CCDC73: variants seen among roughly 807,000 people sequenced by gnomAD.
CCDC73 encodes the protein coiled-coil domain-containing protein 73.
CCDC73 carries 95 observed loss-of-function variants against 116.5 expected under a neutral mutation model. The ratio of observed to expected loss-of-function variants is 0.82; its 90% CI spans 0.69 to 0.97. CCDC73 has a LOEUF of 0.97. Among genes scored for constraint, CCDC73 ranks in the 50% least tolerant of loss-of-function variants. CCDC73 has a pLI of 0.00. For missense variants in CCDC73, 1,066 were observed against 1,206.8 expected (o/e 0.88, Z 1.73); for synonymous variants, 398 against 401.3 (o/e 0.99, Z 0.10).
chr11:32,688,725 A>G (rs915918348), intron 6 of CCDC73, among the ~76,000 whole-genome samples: 1 of 152,222 alleles, frequency 6.6e-6, no homozygotes, highest in African/African-American at 2.4e-5. Context: ...ATATCTCTAA[A>G]AGTTTATGAT....
At position 32,787,438 on chromosome 11, in the gene CCDC73, T is replaced by C. The variant is rs111647355; in HGVS notation, c.-16+7175A>G. On this transcript the variant is annotated intron_variant, in intron 1 of 17. Coordinates refer to ENST00000335185, the MANE Select transcript of CCDC73 (RefSeq NM_001008391.4). The stretch of plus-strand genomic sequence containing the variant: ...AAACATTCAAAGAATATAAACACAA[T>C]TGTCTTTTTTATATTTACAACTATA... 2.0e-5 allele frequency among the ~76,000 whole-genome samples: 3 copies of C among 152,198 alleles called. No individual in the cohort carries two copies. The East Asian group carries it at 5.8e-4, about 29-fold the overall frequency.
chr11:32,714,021 T>C (rs1849923173), intron 3 of CCDC73, among the ~76,000 whole-genome samples: 1 of 152,090 alleles, frequency 6.6e-6, no homozygotes, highest in Non-Finnish European at 1.5e-5. Flanking sequence ...GTTCTGTGAG[T>C]AGAAAAACAA....
At chr11:32,796,614 G>A (rs1331123017), upstream of CCDC73, among the ~76,000 whole-genome samples, 1 of 152,130 alleles carries the variant, frequency 6.6e-6, no homozygotes, top group Non-Finnish European at 1.5e-5. Context: ...TCCTGTCCAC[G>A]ATTCATGTTG....
intron 2 of CCDC73, among the ~76,000 whole-genome samples, chr11:32,731,414 T>C (rs1449330173): frequency 6.6e-6 from 1 of 152,174 alleles, no homozygotes; most frequent in African/African-American, 2.4e-5. Flanking sequence ...CCGACAGCTT[T>C]GAAGAGAGTA....
At chr11:32,781,332 A>G (rs973948282) in intron 1 of CCDC73, among the ~76,000 whole-genome samples, 1 of 152,242 alleles carries the variant, frequency 6.6e-6, no homozygotes, top group Non-Finnish European at 1.5e-5. Flanking sequence ...AATGGTATCT[A>G]AGACAAAAAC....
At chr11:32,761,368 A>G (rs1850390520) in intron 1 of CCDC73, among the ~76,000 whole-genome samples, 2 of 152,132 alleles carry the variant, frequency 1.3e-5, no homozygotes, top group South Asian at 4.1e-4. Context: ...CCAGTTTGTG[A>G]CTATTATGAA....
the CCDC73 span, among the ~76,000 whole-genome samples, chr11:32,821,448 A>G: frequency 6.6e-6 from 1 of 152,250 alleles, no homozygotes; most frequent in Admixed American, 6.5e-5. Flanking sequence ...ACAGTTTAAA[A>G]AAGTCCTTTT....
At chr11:32,800,588 T>G in the CCDC73 span, among the ~76,000 whole-genome samples, 1 of 152,206 alleles carries the variant, frequency 6.6e-6, no homozygotes, top group African/African-American at 2.4e-5. Context: ...TTATCTTTTT[T>G]GGCCCCCTCA....
chr11:32,701,534 A>G (rs2133315403), intron 4 of CCDC73, among the ~76,000 whole-genome samples: 1 of 152,194 alleles, frequency 6.6e-6, no homozygotes. Flanking sequence ...GACTTCCTTG[A>G]CAAAAAACTT....
At chr11:32,620,069 CCA>C (rs1346111792) in intron 14 of CCDC73, among the ~76,000 whole-genome samples, 2 of 152,088 alleles carry the variant, frequency 1.3e-5, no homozygotes, top group South Asian at 2.1e-4. Flanking sequence ...AGCAAACATC[CCA>C]CAGTTTCAAT....
chr11:32,631,890 A>G (rs750156079), intron 14 of CCDC73, among the ~76,000 whole-genome samples: 5 of 152,060 alleles, frequency 3.3e-5, no homozygotes, highest in Non-Finnish European at 7.4e-5. Flanking sequence ...ACAGACAGAC[A>G]CAGAGATATA....
At chr11:32,749,118 T>C (rs547687402) in intron 2 of CCDC73, among the ~76,000 whole-genome samples, 73 of 152,304 alleles carry the variant, frequency 4.8e-4, no homozygotes, top group Non-Finnish European at 7.8e-4. Flanking sequence ...TATTATCCCA[T>C]TGAATAAACT....
chr11:32,614,166 TA>T lies in CCDC73; in HGVS notation c.2151del (p.Asn718IlefsTer6), dbSNP rs749588295. 1 of 1,613,870 alleles carries T rather than the reference TA, an allele frequency of 6.2e-7. No homozygotes were observed. Among genetic ancestry groups the T allele is most frequent in the South Asian group, 1.1e-5 (1 of 91,074 alleles). ...GAGTTCTTCAGAAGTAGTTTTGAAT[TA>T]GCACTAAAAGCAGCATATGAAACAT... Reference protein sequence around the residue: ...DHHVSYAAFSANSKLLLKNSD... With the variant: ...DHHVSYAAFSXNSKLLLKNSD... On this transcript the variant is annotated frameshift_variant, in exon 16 of 18. Coordinates refer to ENST00000335185, the MANE Select transcript of CCDC73 (RefSeq NM_001008391.4). LOFTEE classifies it high-confidence loss of function.
chr11:32,656,736 C>T (rs1363823651), intron 9 of CCDC73, among the ~76,000 whole-genome samples: 1 of 152,078 alleles, frequency 6.6e-6, no homozygotes, highest in Non-Finnish European at 1.5e-5. Flanking sequence ...TTTTTCAAGT[C>T]CGAGATAACC....
At chr11:32,603,449 A>G (rs945008151) in intron 17 of CCDC73, 3 of 153,614 alleles carry the variant, frequency 2.0e-5, no homozygotes, top group African/African-American at 4.8e-5. Context: ...AAAATAGAGT[A>G]AAGTAGAAAG....
At chr11:32,703,315 T>C (rs1489979940) in intron 3 of CCDC73, among the ~76,000 whole-genome samples, 2 of 152,152 alleles carry the variant, frequency 1.3e-5, no homozygotes, top group South Asian at 2.1e-4. Context: ...CTCAAACTCC[T>C]GGACTCAAGC....
chr11:32,766,452 G>C (rs1410168963), intron 1 of CCDC73, among the ~76,000 whole-genome samples: 2 of 152,150 alleles, frequency 1.3e-5, no homozygotes, highest in Admixed American at 6.5e-5. Context: ...TGGAAGTTCT[G>C]GCCAGGGCAA....
intron 3 of CCDC73, among the ~76,000 whole-genome samples, chr11:32,714,353 G>T (rs117016316): frequency 6.6e-6 from 1 of 152,082 alleles, no homozygotes; most frequent in Non-Finnish European, 1.5e-5. Flanking sequence ...CCTGATTTTG[G>T]ACATTTCTTT....
At chr11:32,620,267 T>C (rs1285257659) in intron 14 of CCDC73, among the ~76,000 whole-genome samples, 4 of 152,114 alleles carry the variant, frequency 2.6e-5, no homozygotes, top group Admixed American at 6.6e-5. Flanking sequence ...TTCCAGGTGG[T>C]CTTTATTATC....
Sources: gnomAD v4.1 joint callset for allele counts (sites outside exome capture counted in the v4.1 genomes callset) on GRCh38, gnomAD v4.1.1 for gene constraint, MANE v1.5 for transcripts, NCBI Gene and HGNC (gene_info 2026-07-23, HGNC 2026-07-21) for gene names.